IKBKG: variants seen among roughly 807,000 people sequenced by gnomAD.
The protein encoded by IKBKG is inhibitor of nuclear factor kappa B kinase regulatory subunit gamma.
A neutral mutation model predicts 13.7 loss-of-function variants in IKBKG; 2 were observed. That is an observed-to-expected ratio of 0.15 (90% CI 0.06 to 0.46). IKBKG has a LOEUF of 0.46. Ranked by LOEUF, IKBKG falls within the 20% of genes least tolerant of loss-of-function variation. The pLI, the probability that IKBKG is intolerant of heterozygous loss-of-function variation, is 0.98. For synonymous variants in IKBKG, 22 were observed against 64.4 expected (o/e 0.34, Z 3.15); for missense variants, 53 against 150.3 (o/e 0.35, Z 3.39).
intron 2 of IKBKG, among the ~76,000 whole-genome samples, chrX:154,553,199 TC>T (rs1307120961): frequency 8.9e-6 from 1 of 112,528 alleles, no homozygotes; most frequent in Non-Finnish European, 1.9e-5. Flanking sequence ...GCAGGAGTCA[TC>T]CCTGAGCTGG....
chrX:154,542,841 C>T (rs782072211), upstream of IKBKG, among the ~76,000 whole-genome samples: 3 of 112,083 alleles, frequency 2.7e-5, no homozygotes, highest in Non-Finnish European at 3.8e-5. Context: ...CTGAAACACA[C>T]GTCAGCCTGA....
In IKBKG at chrX:154,562,795, C is replaced by T. The variant is rs1276349007; in HGVS notation, c.769-15C>T. On this transcript the variant is annotated splice_polypyrimidine_tract_variant and intron_variant, in intron 6 of 9. Coordinates refer to ENST00000594239, the MANE Select transcript of IKBKG (RefSeq NM_001099857.5). Reference sequence around the variant, plus strand: ...GGCTGACGAGGCTCCGTCAGCTCCCCTTGCCCGTCCTTAGGGAATGCAGCT... The same window carrying T: ...GGCTGACGAGGCTCCGTCAGCTCCCTTTGCCCGTCCTTAGGGAATGCAGCT... 40 of 293,067 alleles carry T rather than the reference C, an allele frequency of 1.4e-4. No homozygotes were observed. The highest frequency in any genetic ancestry group is 3.5e-5 in the Non-Finnish European group (6 of 173,877). 24.2% of individuals were successfully genotyped at this position (293,067 alleles called of 1,213,427 possible). A position where few individuals can be genotyped will look rare whatever the true frequency, so the allele number is the denominator to read the frequency against.
upstream of IKBKG, chrX:154,546,766 G>C (rs782291173): frequency 1.8e-5 from 21 of 1,136,479 alleles, no homozygotes; most frequent in Non-Finnish European, 2.3e-5. Flanking sequence ...CTCCGCCTGC[G>C]CGGCGCCCGC....
intron 2 of IKBKG, among the ~76,000 whole-genome samples, chrX:154,555,885 G>A (rs1345178983): frequency 1.8e-5 from 2 of 112,864 alleles, no homozygotes; most frequent in African/African-American, 3.2e-5. Context: ...TGGCCAACAC[G>A]TACTTTTAAG....
upstream of IKBKG, among the ~76,000 whole-genome samples, chrX:154,545,192 CTTT>C (rs2070662892): frequency 9.0e-6 from 1 of 110,725 alleles, no homozygotes; most frequent in South Asian, 3.8e-4. Flanking sequence ...CTATACTATT[CTTT>C]TGTCTTTCCT....
chrX:154,548,067 C>G (rs1442382099), intron 1 of IKBKG: 10 of 754,960 alleles, frequency 1.3e-5, no homozygotes, highest in Non-Finnish European at 1.6e-5. Context: ...TCGGAAATGC[C>G]TCACATATAG....
At chrX:154,541,737 G>A (rs1036615649) in intron 1 of IKBKG, among the ~76,000 whole-genome samples, 2 of 112,670 alleles carry the variant, frequency 1.8e-5, no homozygotes, top group Admixed American at 9.4e-5. Flanking sequence ...AGGTGACTTA[G>A]TAGAAGCAGG....
At chrX:154,548,402 G>T (rs1053032777) in intron 1 of IKBKG, among the ~76,000 whole-genome samples, 1 of 112,382 alleles carries the variant, frequency 8.9e-6, no homozygotes, top group Non-Finnish European at 1.9e-5. Context: ...GATCGTTCTA[G>T]CAGTGGTGGG....
upstream of IKBKG, among the ~76,000 whole-genome samples, chrX:154,546,471 C>A (rs1557233328): frequency 1.8e-5 from 2 of 112,099 alleles, no homozygotes; most frequent in Non-Finnish European, 3.8e-5. Context: ...GGGCATGGAA[C>A]TGCGTGCCCA....
chrX:154,551,602 G>A (rs925618686), intron 1 of IKBKG, among the ~76,000 whole-genome samples: 5 of 111,403 alleles, frequency 4.5e-5, no homozygotes, highest in Admixed American at 9.5e-5. Flanking sequence ...ATATCTTTTC[G>A]GGGGGCTACC....
intron 1 of IKBKG, chrX:154,548,074 A>G: frequency 1.3e-6 from 1 of 754,607 alleles, no homozygotes; most frequent in East Asian, 1.5e-4. Flanking sequence ...TGCCTCACAT[A>G]TAGTTTGGCA....
intron 2 of IKBKG, among the ~76,000 whole-genome samples, chrX:154,554,960 G>A (rs2071023487): frequency 9.0e-6 from 1 of 111,159 alleles, no homozygotes; most frequent in African/African-American, 3.3e-5. Context: ...TATCAGTTTT[G>A]TCACCTCAGA....
At chrX:154,554,978 T>C (rs2071024452) in intron 2 of IKBKG, among the ~76,000 whole-genome samples, 1 of 111,616 alleles carries the variant, frequency 9.0e-6, no homozygotes. Flanking sequence ...AGATGGCTTC[T>C]TCACTACTTG....
At position 154,562,831 on chromosome X, in the gene IKBKG, A is replaced by T; in HGVS notation, c.790A>T (p.Lys264Ter). ...RKRGMQLEDL[K>*]QQLQQAEEAL... ...TTAGGGAATGCAGCTGGAAGATCTC[A>T]AACAGCAGCTCCAGCAGGCCGAGGA... Residue 264 changes from lysine to a stop codon, truncating the protein, a stop_gained, in exon 7 of 10, where the codon AAA becomes TAA. Transcript: ENST00000594239. LOFTEE classifies it high-confidence loss of function. The T allele has an allele frequency of 3.2e-6, 1 of 316,795 alleles. No individual in the cohort carries two copies. The highest frequency in any genetic ancestry group is 5.4e-6 in the Non-Finnish European group (1 of 185,641). 26.1% of individuals were successfully genotyped at this position (316,795 alleles called of 1,213,427 possible).
At chrX:154,549,692 G>A (rs1160246086) in intron 1 of IKBKG, among the ~76,000 whole-genome samples, 3 of 111,153 alleles carry the variant, frequency 2.7e-5, no homozygotes, top group Admixed American at 9.6e-5. Context: ...GGACATTTTC[G>A]TCACCCCTCA....
chrX:154,552,197 A>G lies in IKBKG; in HGVS notation c.187+8A>G, dbSNP rs2070952709. ...AGAATCAAGAGCTCCGAGGTGAGGA[A>G]AGAGTCAGGGGATCCAGCCCTGCTG... On this transcript the variant is annotated splice_region_variant and intron_variant, in intron 2 of 9. Transcript: ENST00000594239. 4 of 1,179,513 alleles carry G rather than the reference A, an allele frequency of 3.4e-6. No homozygotes were observed. The highest frequency in any genetic ancestry group is 4.6e-6 in the Non-Finnish European group (4 of 874,081).
chrX:154,546,212 G>C (rs782625635), upstream of IKBKG: 20 of 1,201,364 alleles, frequency 1.7e-5, no homozygotes, highest in Non-Finnish European at 2.2e-5. Flanking sequence ...GGAGAGCATT[G>C]AGAAGTTAGC....
upstream of IKBKG, among the ~76,000 whole-genome samples, chrX:154,545,026 GA>G (rs1557232854): frequency 8.9e-6 from 1 of 111,926 alleles, no homozygotes; most frequent in Non-Finnish European, 1.9e-5. Flanking sequence ...GGTTAAAAGT[GA>G]AAACTGAGAC....
intron 2 of IKBKG, 62 bp downstream of exon 2, chrX:154,552,251 C>T: frequency 1.0e-6 from 1 of 999,910 alleles, no homozygotes; most frequent in Non-Finnish European, 1.4e-6. Flanking sequence ...CCCACCTGCA[C>T]CTCTGCGTTT....
Sources: allele counts gnomAD v4.1 joint callset (sites outside exome capture counted in the v4.1 genomes callset), GRCh38; gene constraint gnomAD v4.1.1; transcripts MANE v1.5; gene names NCBI Gene and HGNC (gene_info 2026-07-23, HGNC 2026-07-21).